Variants in SLC4A4 observed in about 807,000 individuals in gnomAD.
SLC4A4 encodes the protein electrogenic sodium bicarbonate cotransporter 1.
SLC4A4 carries 27 observed loss-of-function variants against 111.5 expected under a neutral mutation model. That is an observed-to-expected ratio of 0.24 (90% CI 0.18 to 0.33). The LOEUF is 0.33. Among genes scored for constraint, SLC4A4 ranks in the 10% least tolerant of loss-of-function variants. SLC4A4 has a pLI of 1.00. For synonymous variants in SLC4A4, 443 were observed against 463.4 expected, an observed-to-expected ratio of 0.96 and a Z score of 0.57; for missense variants, 909 against 1,315.5, an observed-to-expected ratio of 0.69 and a Z score of 4.78.
At chr4:71,142,761 C>CTTTTTT (rs34495804) in intron 2 of SLC4A4, among the ~76,000 whole-genome samples, 12 of 78,026 alleles carry the variant, frequency 1.5e-4, no homozygotes, top group East Asian at 7.8e-4. Flanking sequence ...TTTTCTCACT[C>CTTTTTT]TTTTTTTTTT....
At chr4:71,064,386 TA>T (rs1231174643) in intron 1 of SLC4A4, among the ~76,000 whole-genome samples, 1 of 152,218 alleles carries the variant, frequency 6.6e-6, no homozygotes, top group East Asian at 1.9e-4. Context: ...GCAATCCTTT[TA>T]ATATTCCACA....
At chr4:71,359,048 T>A (rs540741820) in intron 6 of SLC4A4, among the ~76,000 whole-genome samples, 1 of 152,336 alleles carries the variant, frequency 6.6e-6, no homozygotes, top group South Asian at 2.1e-4. Context: ...TCTACCAATA[T>A]GATGAGCTTC....
At chr4:71,505,543 G>A (rs1731344429) in intron 16 of SLC4A4, among the ~76,000 whole-genome samples, 1 of 151,426 alleles carries the variant, frequency 6.6e-6, no homozygotes, top group African/African-American at 2.4e-5. Context: ...GTTTTTAATG[G>A]GATTTTTTGT....
chr4:71,567,780 T>C lies in SLC4A4; in HGVS notation c.*37-8T>C. On this transcript the variant is annotated splice_polypyrimidine_tract_variant and splice_region_variant and intron_variant, in intron 25 of 25. Coordinates refer to ENST00000264485, the MANE Select transcript of SLC4A4 (RefSeq NM_001098484.3). Reference sequence around the variant, plus strand: ...TACTTACTACTTTTTTTTTTCCTTTTTCTCTAGTCCTCCTAGAACTCCAGT... The same window carrying C: ...TACTTACTACTTTTTTTTTTCCTTTCTCTCTAGTCCTCCTAGAACTCCAGT... 2.1e-6 allele frequency: 3 copies of C among 1,397,164 alleles called. No individual in the cohort carries two copies. The highest frequency in any genetic ancestry group is 3.7e-4 in the Middle Eastern group (2 of 5,368). 86.5% of individuals were successfully genotyped at this position (1,397,164 alleles called of 1,614,324 possible). A position where few individuals can be genotyped will look rare whatever the true frequency, so the allele number is the denominator to read the frequency against.
chr4:71,544,445 A>C (rs1161480204), intron 18 of SLC4A4, among the ~76,000 whole-genome samples: 1 of 151,844 alleles, frequency 6.6e-6, no homozygotes. Context: ...ATTAAAGATG[A>C]GGCTGCAGAT....
chr4:71,397,474 C>A, intron 6 of SLC4A4, 103 bp from the exon 7 acceptor site: 2 of 1,024,004 alleles, frequency 2.0e-6, no homozygotes, highest in South Asian at 1.3e-5. Flanking sequence ...AAAGTATCAT[C>A]ACCATTTCCA....
At chr4:71,088,667 T>G (rs990745014) in intron 1 of SLC4A4, among the ~76,000 whole-genome samples, 3 of 152,022 alleles carry the variant, frequency 2.0e-5, no homozygotes, top group Non-Finnish European at 4.4e-5. Context: ...CTTATGAAGC[T>G]TAGTTTGGCT....
chr4:71,284,119 C>T (rs1452615754), intron 3 of SLC4A4, among the ~76,000 whole-genome samples: 1 of 152,148 alleles, frequency 6.6e-6, no homozygotes, highest in Non-Finnish European at 1.5e-5. Context: ...TTATATTTCC[C>T]AGAATGGAAA....
At chr4:71,226,142 T>C (rs1380020860) in intron 1 of SLC4A4, among the ~76,000 whole-genome samples, 1 of 151,400 alleles carries the variant, frequency 6.6e-6, no homozygotes, top group African/African-American at 2.4e-5. Context: ...GTATTTATTA[T>C]TTTTTTTTAG....
At chr4:71,547,829 G>A in intron 20 of SLC4A4, 109 bp downstream of exon 20, 1 of 929,010 alleles carries the variant, frequency 1.1e-6, no homozygotes, top group East Asian at 2.4e-5. Flanking sequence ...CATCAGTTCT[G>A]TAACACACTG....
chr4:71,134,107 A>T (rs1743782258), intron 2 of SLC4A4, among the ~76,000 whole-genome samples: 1 of 152,238 alleles, frequency 6.6e-6, no homozygotes, highest in African/African-American at 2.4e-5. Context: ...CTGAAAATAA[A>T]GATTTTCAAA....
chr4:71,503,798 A>G (rs765168498), intron 16 of SLC4A4, among the ~76,000 whole-genome samples: 1 of 152,160 alleles, frequency 6.6e-6, no homozygotes, highest in Non-Finnish European at 1.5e-5. Flanking sequence ...ATGTATTTTC[A>G]TGATAATAAA....
chr4:71,431,104 T>G (rs994815173), intron 7 of SLC4A4, among the ~76,000 whole-genome samples: 1 of 152,126 alleles, frequency 6.6e-6, no homozygotes. Flanking sequence ...TTCTAGACAT[T>G]AGGGACCTAA....
At chr4:71,427,028 A>G (rs960961942) in intron 7 of SLC4A4, among the ~76,000 whole-genome samples, 1 of 152,150 alleles carries the variant, frequency 6.6e-6, no homozygotes, top group Non-Finnish European at 1.5e-5. Context: ...TAAAACACAC[A>G]TATGGGTATG....
At chr4:71,084,382 G>C (rs1742085773) in intron 1 of SLC4A4, among the ~76,000 whole-genome samples, 3 of 151,878 alleles carry the variant, frequency 2.0e-5, no homozygotes, top group African/African-American at 4.8e-5. Context: ...CACACCAAAT[G>C]ACAGTTTTTT....
At chr4:71,172,716 C>T (rs1744978784) in intron 2 of SLC4A4, among the ~76,000 whole-genome samples, 1 of 152,084 alleles carries the variant, frequency 6.6e-6, no homozygotes, top group Non-Finnish European at 1.5e-5. Flanking sequence ...ATAAAAGTCT[C>T]GAAATTTAAT....
At chr4:71,450,358 T>G (rs190209797) in intron 9 of SLC4A4, 31 bp from the exon 10 acceptor site, 2 of 1,547,488 alleles carry the variant, frequency 1.3e-6, no homozygotes, top group East Asian at 2.2e-5. Context: ...AGTTATCTTT[T>G]TGGATGAGCA....
chr4:71,455,405 A>G (rs1208490044), intron 12 of SLC4A4, among the ~76,000 whole-genome samples: 38 of 152,254 alleles, frequency 2.5e-4, no homozygotes, highest in Admixed American at 2.2e-3. Flanking sequence ...CAGTAATAGA[A>G]TTTTTATAAA....
At chr4:71,070,936 G>A (rs1741643917) in intron 1 of SLC4A4, among the ~76,000 whole-genome samples, 1 of 150,522 alleles carries the variant, frequency 6.6e-6, no homozygotes, top group South Asian at 2.1e-4. Flanking sequence ...TTCTCAGTAA[G>A]TTTCAGAAAT....
Sources: allele counts gnomAD v4.1 joint callset (sites outside exome capture counted in the v4.1 genomes callset), GRCh38; gene constraint gnomAD v4.1.1; transcripts MANE v1.5; gene names NCBI Gene and HGNC (gene_info 2026-07-23, HGNC 2026-07-21).